AOPEP: variants seen among roughly 807,000 people sequenced by gnomAD.
AOPEP encodes aminopeptidase O.
A neutral mutation model predicts 98.1 loss-of-function variants in AOPEP; 77 were observed. The ratio of observed to expected loss-of-function variants is 0.78; its 90% CI spans 0.65 to 0.95. AOPEP has a LOEUF of 0.95. AOPEP is among the 40% of genes least tolerant of loss of function. The pLI, the probability that AOPEP is intolerant of heterozygous loss-of-function variation, is 0.00. For missense variants in AOPEP, 1,024 were observed against 1,024.7 expected (o/e 1.00, Z 0.01); for synonymous variants, 346 against 365.3 (o/e 0.95, Z 0.60).
At chr9:94,987,206 A>G (rs1340180047) in intron 11 of AOPEP, among the ~76,000 whole-genome samples, 1 of 152,274 alleles carries the variant, frequency 6.6e-6, no homozygotes, top group Non-Finnish European at 1.5e-5. Context: ...AGATACATAA[A>G]TAACTGACGT....
At chr9:94,731,774 G>T in intron 1 of AOPEP, among the ~76,000 whole-genome samples, 2 of 129,384 alleles carry the variant, frequency 1.5e-5, no homozygotes, top group Admixed American at 7.5e-5. Flanking sequence ...TTTTTCCCTA[G>T]TCTGTTCTCT....
In AOPEP at chr9:94,800,971, C is replaced by T. The variant is rs1452570313; in HGVS notation, c.1333C>T (p.Pro445Ser). ...PFSRLDVLIV[P>S]ANFPSLGMAS... ...CTCTCGGCTGGATGTTCTCATCGTC[C>T]CTGCCAACTTTCCAAGTCTGGGGAT... Residue 445 changes from proline (P) to serine (S), a missense_variant, in exon 5 of 17, where the codon CCT (proline) becomes TCT (serine). Physicochemically the swap from Pro to Ser is moderately conservative, Grantham distance 74. Transcript: ENST00000375315. 1 of 1,614,082 alleles carries T rather than the reference C, an allele frequency of 6.2e-7. No individual in the cohort carries two copies. Among genetic ancestry groups the T allele is most frequent in the African/African-American group, 1.3e-5 (1 of 74,932 alleles).
chr9:95,138,847 A>G, the AOPEP span, among the ~76,000 whole-genome samples: 9 of 152,222 alleles, frequency 5.9e-5, no homozygotes, highest in African/African-American at 2.2e-4. Flanking sequence ...TCCAGTCAGT[A>G]AAGTGCGTGA....
rs1458682109 is a variant in AOPEP at position 94,814,011 on chromosome 9, GT to G, written c.1364+13012del. On this transcript the variant is annotated intron_variant, in intron 5 of 16. Transcript: ENST00000375315. ...AGAGTCATGCACAAGGGGGGCTGGG[GT>G]TTCTATCTCTATGGGTTTCTGAACC... is the stretch of plus-strand genomic sequence containing the variant. Among the ~76,000 whole-genome samples the G allele has an allele frequency of 5.9e-5, 9 of 152,184 alleles. 1 individual carries two copies. The East Asian group carries it at 1.7e-3, about 29-fold the overall frequency.
chr9:95,005,320 G>T, intron 12 of AOPEP, 100 bp downstream of exon 12: 1 of 750,578 alleles, frequency 1.3e-6, no homozygotes, highest in Non-Finnish European at 1.8e-6. Context: ...CGGGTGCGGG[G>T]ACTACCCGCC....
the AOPEP span, among the ~76,000 whole-genome samples, chr9:95,130,503 AAAG>A: frequency 2.6e-5 from 4 of 152,254 alleles, no homozygotes; most frequent in Admixed American, 2.0e-4. Flanking sequence ...CCTTAAAAAT[AAAG>A]AAGGAAATAG....
At chr9:94,738,477 A>G (rs1832271191) in intron 1 of AOPEP, among the ~76,000 whole-genome samples, 1 of 152,188 alleles carries the variant, frequency 6.6e-6, no homozygotes, top group African/African-American at 2.4e-5. Flanking sequence ...AAATGTGTAG[A>G]TAATCCATAG....
chr9:95,053,324 T>G (rs2066547192), intron 13 of AOPEP, among the ~76,000 whole-genome samples: 3 of 152,258 alleles, frequency 2.0e-5, no homozygotes, highest in Admixed American at 2.0e-4. Context: ...ATCTTTAGAA[T>G]GTAATTTACA....
intron 3 of AOPEP, among the ~76,000 whole-genome samples, chr9:94,773,872 C>G (rs1841450764): frequency 6.6e-6 from 1 of 152,008 alleles, no homozygotes; most frequent in Admixed American, 6.5e-5. Flanking sequence ...CTCAATTGAT[C>G]CTCCCACCTC....
chr9:94,736,708 A>C (rs1355695335), intron 1 of AOPEP, among the ~76,000 whole-genome samples: 1 of 152,228 alleles, frequency 6.6e-6, no homozygotes, highest in African/African-American at 2.4e-5. Flanking sequence ...TAATTGAATG[A>C]TATCCATAAA....
chr9:94,940,145 C>T (rs553177036), intron 7 of AOPEP, among the ~76,000 whole-genome samples: 51 of 152,324 alleles, frequency 3.3e-4, no homozygotes, highest in Non-Finnish European at 6.9e-4. Flanking sequence ...AGTTACTCAA[C>T]CACACTTAGC....
At chr9:95,105,823 C>G in the AOPEP span, among the ~76,000 whole-genome samples, 3 of 152,226 alleles carry the variant, frequency 2.0e-5, no homozygotes, top group Non-Finnish European at 4.4e-5. Context: ...CATCTTCAGG[C>G]TGAACAGTAC....
Position 94,930,784 on chromosome 9 carries a change from A to G in AOPEP, c.1661+2253A>G, listed in dbSNP as rs2055162444. Reference sequence around the variant, plus strand: ...AAGTCAGGCTGAAGTGGACAGGAGCATGGATGGGAAGTCAGGAAGCGGGGC... The same window carrying G: ...AAGTCAGGCTGAAGTGGACAGGAGCGTGGATGGGAAGTCAGGAAGCGGGGC... On this transcript the variant is annotated intron_variant, in intron 7 of 16. Coordinates refer to ENST00000375315, the MANE Select transcript of AOPEP (RefSeq NM_001193329.3). This position sits in a 1 kb window ranked among gnomAD's most constrained non-coding sequence, Gnocchi z 4.5. Among the ~76,000 whole-genome samples, 1 of 152,206 alleles carries G rather than the reference A, an allele frequency of 6.6e-6. No individual in the cohort carries two copies.
chr9:94,728,143 A>C (rs1225528594), intron 1 of AOPEP, among the ~76,000 whole-genome samples: 1 of 152,130 alleles, frequency 6.6e-6, no homozygotes, highest in African/African-American at 2.4e-5. Context: ...ATGATTTAAC[A>C]CTTTTTAATA....
intron 3 of AOPEP, among the ~76,000 whole-genome samples, chr9:94,779,711 A>G (rs1224229103): frequency 6.6e-6 from 1 of 151,768 alleles, no homozygotes; most frequent in South Asian, 2.1e-4. Context: ...ATAAATATTA[A>G]TATTTTGCTG....
intron 5 of AOPEP, among the ~76,000 whole-genome samples, chr9:94,912,155 T>G (rs1240732223): frequency 1.3e-5 from 2 of 152,158 alleles, no homozygotes; most frequent in South Asian, 2.1e-4. Context: ...AGGAAACCAA[T>G]GCACTGATGC....
chr9:95,097,999 T>C, the AOPEP span, among the ~76,000 whole-genome samples: 7 of 151,786 alleles, frequency 4.6e-5, no homozygotes, highest in East Asian at 1.4e-3. Flanking sequence ...CTGGGGGAGG[T>C]GGTCCTGGGC....
chr9:95,017,774 G>A (rs986777156), intron 13 of AOPEP, among the ~76,000 whole-genome samples: 8 of 152,212 alleles, frequency 5.3e-5, no homozygotes, highest in Admixed American at 5.2e-4. Flanking sequence ...CACCCAGAAA[G>A]TTCCTTGTAT....
intron 1 of AOPEP, among the ~76,000 whole-genome samples, chr9:94,746,875 TC>T (rs113439030): frequency 2.2e-4 from 33 of 151,618 alleles, no homozygotes; most frequent in African/African-American, 6.8e-4. Flanking sequence ...TTAGACCCCC[TC>T]CCCCCCACTT....
Sources: gnomAD v4.1 joint callset for allele counts (sites outside exome capture counted in the v4.1 genomes callset) on GRCh38, gnomAD v4.1.1 for gene constraint, Gnocchi (gnomAD v3.1) non-coding constraint, MANE v1.5 for transcripts, NCBI Gene and HGNC (gene_info 2026-07-23, HGNC 2026-07-21) for gene names.